ERBB4: variants seen among roughly 807,000 people sequenced by gnomAD.
ERBB4 encodes the protein receptor tyrosine-protein kinase erbB-4.
ERBB4 carries 42 observed loss-of-function variants against 158.0 expected under a neutral mutation model. That is an observed-to-expected ratio of 0.27 (90% CI 0.21 to 0.34). The LOEUF (loss-of-function observed/expected upper bound fraction) is 0.34. Ranked by LOEUF, ERBB4 falls within the 10% of genes least tolerant of loss-of-function variation. ERBB4 has a pLI of 1.00. For synonymous variants in ERBB4, 583 were observed against 558.7 expected (o/e 1.04, Z -0.61); for missense variants, 1,333 against 1,624.1 (o/e 0.82, Z 3.08).
intron 1 of ERBB4, among the ~76,000 whole-genome samples, chr2:212,131,298 C>T (rs972860053): frequency 1.3e-5 from 2 of 152,270 alleles, no homozygotes; most frequent in East Asian, 1.9e-4. Context: ...ACCCAGAGAA[C>T]AGAATAATAT....
intron 20 of ERBB4, among the ~76,000 whole-genome samples, chr2:211,486,634 G>A (rs146771758): frequency 8.9e-4 from 135 of 152,102 alleles, no homozygotes; most frequent in Middle Eastern, 6.8e-3. Context: ...ACAGATTTTG[G>A]GTCAAATCTC....
chr2:211,789,155 C>T (rs760124030), intron 3 of ERBB4, among the ~76,000 whole-genome samples: 5 of 151,994 alleles, frequency 3.3e-5, no homozygotes, highest in Non-Finnish European at 5.9e-5. Context: ...ACCTTCCAGC[C>T]CAATATGTAC....
At chr2:212,166,199 G>A (rs2081342584) in intron 1 of ERBB4, among the ~76,000 whole-genome samples, 1 of 151,942 alleles carries the variant, frequency 6.6e-6, no homozygotes, top group African/African-American at 2.4e-5. Context: ...GCATCTTACA[G>A]ATCAGTTCTG....
intron 3 of ERBB4, among the ~76,000 whole-genome samples, chr2:211,889,847 G>T (rs1020144513): frequency 1.3e-5 from 2 of 151,558 alleles, no homozygotes; most frequent in East Asian, 1.9e-4. Context: ...AGAAGGGAAG[G>T]TTAGAGAAAA....
intron 1 of ERBB4, among the ~76,000 whole-genome samples, chr2:212,471,493 A>G (rs1689116299): frequency 1.3e-5 from 2 of 151,932 alleles, no homozygotes; most frequent in South Asian, 4.1e-4. Context: ...AGATCTCTGC[A>G]ACATTGAAAA....
At chr2:212,162,535 A>C (rs1284469330) in intron 1 of ERBB4, among the ~76,000 whole-genome samples, 1 of 151,916 alleles carries the variant, frequency 6.6e-6, no homozygotes, top group African/African-American at 2.4e-5. Context: ...ATATGCACTT[A>C]AGATTTGTAC....
rs539032640 is a variant in ERBB4 at position 211,925,930 on chromosome 2, T to G, written c.421+21500A>C. On this transcript the variant is annotated intron_variant, in intron 3 of 27. Transcript: ENST00000342788. ...TGTATTTAACCTTAACTCTACTCCCTTGCCCCAATTAAGTAGAACCAGATA... is the reference window on the plus strand; with the variant it reads ...TGTATTTAACCTTAACTCTACTCCCGTGCCCCAATTAAGTAGAACCAGATA... Among the ~76,000 whole-genome samples the G allele has an allele frequency of 2.0e-5, 3 of 152,286 alleles. No homozygotes were observed. The South Asian group carries it at 6.2e-4, about 32-fold the overall frequency.
chr2:211,611,135 T>C (rs891139544), intron 19 of ERBB4, among the ~76,000 whole-genome samples: 3 of 152,120 alleles, frequency 2.0e-5, no homozygotes, highest in Non-Finnish European at 4.4e-5. Flanking sequence ...CCTGGGTCAA[T>C]AGGGACTTCC....
intron 1 of ERBB4, among the ~76,000 whole-genome samples, chr2:212,190,454 G>A (rs1170200902): frequency 1.3e-5 from 2 of 151,578 alleles, no homozygotes; most frequent in Non-Finnish European, 1.5e-5. Flanking sequence ...GGAGAATGGC[G>A]TGAACCCGGG....
intron 2 of ERBB4, among the ~76,000 whole-genome samples, chr2:212,092,004 C>T (rs1321436995): frequency 6.6e-6 from 1 of 152,108 alleles, no homozygotes; most frequent in Non-Finnish European, 1.5e-5. Context: ...GAAGATCCCA[C>T]ACGTGATATG....
At chr2:211,968,362 G>A (rs2081359470) in intron 2 of ERBB4, among the ~76,000 whole-genome samples, 1 of 152,122 alleles carries the variant, frequency 6.6e-6, no homozygotes, top group Non-Finnish European at 1.5e-5. Context: ...TGCTTGGCCA[G>A]TTTCCAAATA....
intron 20 of ERBB4, among the ~76,000 whole-genome samples, chr2:211,529,445 T>C (rs1395031393): frequency 6.6e-6 from 1 of 152,122 alleles, no homozygotes; most frequent in East Asian, 1.9e-4. Flanking sequence ...ATACCAATCC[T>C]ATTCAAACTA....
chr2:212,240,761 C>T (rs1208755209), intron 1 of ERBB4, among the ~76,000 whole-genome samples: 1 of 151,326 alleles, frequency 6.6e-6, no homozygotes, highest in Admixed American at 6.6e-5. Context: ...TATCGTTTGC[C>T]TTTCAGTAAT....
intron 7 of ERBB4, among the ~76,000 whole-genome samples, chr2:211,716,710 C>CA (rs1405740371): frequency 0.039 from 3,657 of 92,734 alleles, 161 homozygotes; most frequent in African/African-American, 0.17. Flanking sequence ...CAAAACAAAA[C>CA]AAAAAAAAAC....
rs2062568333 is a variant in ERBB4 at position 211,381,160 on chromosome 2, G to A, written c.*2455C>T. On this transcript the variant is annotated 3_prime_UTR_variant, in exon 28 of 28. Transcript: ENST00000342788. ...CTTTACCCCTGAAAAGTTTGAGGGT[G>A]AACTTCACTAGAAGGAATCTCACAA... The A allele has an allele frequency of 1.3e-5, 3 of 232,360 alleles. No homozygotes were observed. The highest frequency in any genetic ancestry group is 2.2e-5 in the African/African-American group (1 of 45,398). The allele number at this position is 232,360 out of a possible 1,614,324, so 14.4% of individuals were successfully genotyped here. A position where few individuals can be genotyped will look rare whatever the true frequency, so the allele number is the denominator to read the frequency against.
At chr2:211,527,751 T>C (rs1037642139) in intron 20 of ERBB4, among the ~76,000 whole-genome samples, 81 of 152,140 alleles carry the variant, frequency 5.3e-4, no homozygotes, top group African/African-American at 1.5e-3. Flanking sequence ...TTTCTTTTTG[T>C]TTGTTTGTTT....
At chr2:211,588,877 G>T (rs1444593441) in intron 19 of ERBB4, among the ~76,000 whole-genome samples, 1 of 152,096 alleles carries the variant, frequency 6.6e-6, no homozygotes, top group Admixed American at 6.6e-5. Flanking sequence ...AAAAAATCTT[G>T]GGCACATGTC....
intron 25 of ERBB4, among the ~76,000 whole-genome samples, chr2:211,416,000 G>C (rs2063380962): frequency 6.6e-6 from 1 of 152,190 alleles, no homozygotes; most frequent in Non-Finnish European, 1.5e-5. Flanking sequence ...CTAATGTGGA[G>C]TAGCTACAAT....
chr2:211,414,031 C>G (rs1280275334), intron 25 of ERBB4, among the ~76,000 whole-genome samples: 1 of 151,992 alleles, frequency 6.6e-6, no homozygotes, highest in Non-Finnish European at 1.5e-5. Flanking sequence ...AGGCAAGCAC[C>G]CCATGCAGGC....
Sources: gnomAD v4.1 joint callset for allele counts (sites outside exome capture counted in the v4.1 genomes callset) on GRCh38, gnomAD v4.1.1 for gene constraint, MANE v1.5 for transcripts, NCBI Gene and HGNC (gene_info 2026-07-23, HGNC 2026-07-21) for gene names.